The following RUNX3 variants were observed in gnomAD, a reference collection of about 807,000 sequenced individuals.
RUNX3 encodes the protein runt-related transcription factor 3.
RUNX3 carries 10 observed loss-of-function variants against 27.7 expected under a neutral mutation model. The observed-to-expected ratio is 0.36, with a 90% confidence interval of 0.22 to 0.61. The LOEUF is 0.61. RUNX3 is among the 20% of genes least tolerant of loss of function. RUNX3 has a pLI of 0.72. For missense variants in RUNX3, 469 were observed against 629.5 expected (o/e 0.75, Z 2.73); for synonymous variants, 270 against 269.2 (o/e 1.00, Z -0.03).
At chr1:24,941,319 G>A (rs1443838384) in intron 2 of RUNX3, among the ~76,000 whole-genome samples, 1 of 152,208 alleles carries the variant, frequency 6.6e-6, no homozygotes, top group African/African-American at 2.4e-5. Flanking sequence ...ATAGGAAGGG[G>A]CAGAGCTGGG....
At chr1:24,926,825 C>T (rs956200349) in intron 2 of RUNX3, among the ~76,000 whole-genome samples, 7 of 152,182 alleles carry the variant, frequency 4.6e-5, no homozygotes, top group Non-Finnish European at 8.8e-5. Flanking sequence ...CCAGTGGACC[C>T]TCAGGCCTCC....
At chr1:24,948,788 A>C (rs1163108494) in intron 2 of RUNX3, among the ~76,000 whole-genome samples, 1 of 152,042 alleles carries the variant, frequency 6.6e-6, no homozygotes, top group East Asian at 1.9e-4. Flanking sequence ...ACAAGGGTAC[A>C]TGTGGGGAGG....
chr1:24,942,234 T>G lies in RUNX3; in HGVS notation c.59-12382A>C, dbSNP rs116399807. ...TAAGAAACAGACAGAGGAAAAGGAG[T>G]TGGCACTAGATTGAAGCAGTCAACA... On this transcript the variant is annotated intron_variant, in intron 2 of 6. Transcript: ENST00000338888. Among the ~76,000 whole-genome samples the G allele has an allele frequency of 5.4e-3, 816 of 150,866 alleles. 9 individuals carry two copies. The highest frequency in any genetic ancestry group is 0.019 in the African/African-American group (776 of 41,054).
At chr1:24,953,332 C>G (rs1240338688) in intron 2 of RUNX3, among the ~76,000 whole-genome samples, 1 of 136,242 alleles carries the variant, frequency 7.3e-6, no homozygotes, top group Non-Finnish European at 1.5e-5. Context: ...CCACTGCACG[C>G]CAGCCTGGGC....
At chr1:24,915,183 G>A (rs1337679919) in intron 3 of RUNX3, among the ~76,000 whole-genome samples, 1 of 152,218 alleles carries the variant, frequency 6.6e-6, no homozygotes, top group Non-Finnish European at 1.5e-5. Flanking sequence ...CAGCACTTTG[G>A]GAGGCTGAGG....
intron 2 of RUNX3, among the ~76,000 whole-genome samples, chr1:24,922,498 G>A (rs563886212): frequency 1.3e-5 from 2 of 152,144 alleles, no homozygotes; most frequent in Admixed American, 6.5e-5. Context: ...ACCAACAGAC[G>A]TCACAGATAC....
upstream of RUNX3, among the ~76,000 whole-genome samples, chr1:24,933,515 A>C (rs556539580): frequency 4.7e-4 from 72 of 152,198 alleles, no homozygotes; most frequent in African/African-American, 1.6e-3. Context: ...TCATATTCAA[A>C]GCTTACTAGG....
At chr1:24,913,020 T>C (rs1350982898) in intron 3 of RUNX3, among the ~76,000 whole-genome samples, 1 of 152,106 alleles carries the variant, frequency 6.6e-6, no homozygotes, top group Non-Finnish European at 1.5e-5. Flanking sequence ...GAGAGTGCAA[T>C]TTCCAATCAT....
At chr1:24,934,526 A>C (rs1445680351), upstream of RUNX3, among the ~76,000 whole-genome samples, 1 of 152,186 alleles carries the variant, frequency 6.6e-6, no homozygotes, top group African/African-American at 2.4e-5. Flanking sequence ...CCCGAGGGTA[A>C]AATGGGAAGA....
At chr1:24,934,806 A>C (rs958744668), upstream of RUNX3, among the ~76,000 whole-genome samples, 1 of 152,180 alleles carries the variant, frequency 6.6e-6, no homozygotes, top group African/African-American at 2.4e-5. Context: ...AAGAGCTAGC[A>C]TCTAGATACA....
At position 24,942,873 on chromosome 1, in the gene RUNX3, C is replaced by A. The variant is rs373394921; in HGVS notation, c.59-13021G>T. 3.3e-5 allele frequency among the ~76,000 whole-genome samples: 5 copies of A among 152,352 alleles called. No homozygotes were observed. In the East Asian group the frequency reaches 7.7e-4, roughly 23 times the overall value. On this transcript the variant is annotated intron_variant, in intron 2 of 6. Transcript: ENST00000338888. ...AGCCTGGTGCTCCTCGGAGCCTGCC[C>A]ATTGCCTGGCATGTTATTCAACCAC... is the stretch of plus-strand genomic sequence containing the variant.
chr1:24,960,360 A>T (rs538567482), intron 2 of RUNX3, among the ~76,000 whole-genome samples: 1 of 152,360 alleles, frequency 6.6e-6, no homozygotes, highest in Admixed American at 6.5e-5. Flanking sequence ...CCAGAGACAG[A>T]GAAGTGAAGT....
chr1:24,940,992 T>C (rs1344609705), intron 2 of RUNX3, among the ~76,000 whole-genome samples: 2 of 152,220 alleles, frequency 1.3e-5, no homozygotes. Context: ...AGATAAAATA[T>C]AGAAAAAGTT....
At chr1:24,939,946 C>T (rs1282189439) in intron 2 of RUNX3, among the ~76,000 whole-genome samples, 1 of 152,244 alleles carries the variant, frequency 6.6e-6, no homozygotes, top group African/African-American at 2.4e-5. Flanking sequence ...GGGCTTCATC[C>T]TGAGCCCCCT....
At position 24,901,885 on chromosome 1, in the gene RUNX3, AG is replaced by A; in HGVS notation, c.*236del. The A allele has an allele frequency of 2.0e-6, 1 of 503,746 alleles. No homozygotes were observed. Among genetic ancestry groups the A allele is most frequent in the Non-Finnish European group, 3.5e-6 (1 of 284,508 alleles). The allele number at this position is 503,746 out of a possible 1,614,324, so 31.2% of individuals were successfully genotyped here. A position where few individuals can be genotyped will look rare whatever the true frequency, so the allele number is the denominator to read the frequency against. On this transcript the variant is annotated 3_prime_UTR_variant, in exon 5 of 5. Coordinates refer to ENST00000308873, the MANE Select transcript of RUNX3 (RefSeq NM_004350.3). ...CACAGAAGTATGGGATGAGACGGCC[AG>A]GATCTGGGCCGGGGGCAGTATCCCG...
At chr1:24,941,074 TGCAGCAAAGC>T (rs1249148397) in intron 2 of RUNX3, among the ~76,000 whole-genome samples, 1 of 152,232 alleles carries the variant, frequency 6.6e-6, no homozygotes, top group South Asian at 2.1e-4. Flanking sequence ...TTATTCATGA[TGCAGCAAAGC>T]TGCACTGTTT....
intron 4 of RUNX3, among the ~76,000 whole-genome samples, chr1:24,903,733 T>C (rs1280827700): frequency 1.3e-5 from 2 of 152,058 alleles, no homozygotes; most frequent in Admixed American, 1.3e-4. Context: ...AACACGTACT[T>C]GAGAGGGAGC....
Position 24,899,753 on chromosome 1 carries a change from T to C in RUNX3, c.*2369A>G, listed in dbSNP as rs1305162408. On this transcript the variant is annotated 3_prime_UTR_variant, in exon 5 of 5. Coordinates refer to ENST00000308873, the MANE Select transcript of RUNX3 (RefSeq NM_004350.3). ...CAGCATGACAATATGTCACAAAAGATTGGTACCCACTACTGACAGGCTCAC... is the reference window on the plus strand; with the variant it reads ...CAGCATGACAATATGTCACAAAAGACTGGTACCCACTACTGACAGGCTCAC... 6.6e-6 allele frequency: 1 copy of C among 152,586 alleles called. No homozygotes were observed. The highest frequency in any genetic ancestry group is 2.4e-5 in the African/African-American group (1 of 41,444). The allele number at this position is 152,586 out of a possible 1,614,324, so 9.5% of individuals were successfully genotyped here.
upstream of RUNX3, among the ~76,000 whole-genome samples, chr1:24,931,758 A>C (rs3116868): frequency 1 from 151,520 of 152,252 alleles, 75,398 homozygotes; most frequent in Middle Eastern, 1. Context: ...AGGACTCTGG[A>C]CTCACCCCGA....
Sources: gnomAD v4.1 joint callset for allele counts (sites outside exome capture counted in the v4.1 genomes callset) on GRCh38, gnomAD v4.1.1 for gene constraint, MANE v1.5 for transcripts, NCBI Gene and HGNC (gene_info 2026-07-23, HGNC 2026-07-21) for gene names.